CACNA1H: variants seen among roughly 807,000 people sequenced by gnomAD.
CACNA1H encodes the protein calcium voltage-gated channel subunit alpha1 H, also known as voltage-dependent T-type calcium channel subunit alpha-1H.
Under a neutral mutation model 192.5 loss-of-function variants are expected in CACNA1H, and 149 were observed. That is an observed-to-expected ratio of 0.77 (90% CI 0.68 to 0.89). The LOEUF (loss-of-function observed/expected upper bound fraction) is 0.89, where lower values mean the gene tolerates loss of function less well. Among genes scored for constraint, CACNA1H ranks in the 40% least tolerant of loss-of-function variants. The pLI, the probability that CACNA1H is intolerant of heterozygous loss-of-function variation, is 0.00. For synonymous variants in CACNA1H, 2,202 were observed against 1,475.2 expected (o/e 1.49, Z -11.29); for missense variants, 4,257 against 3,423.5 (o/e 1.24, Z -6.08).
intron 1 of CACNA1H, 120 bp from the exon 2 acceptor site, chr16:1,153,600 G>T: frequency 1.8e-6 from 1 of 545,850 alleles, no homozygotes; most frequent in Non-Finnish European, 2.6e-6. Flanking sequence ...GGGCGCGTTT[G>T]TCTCTAATAA....
intron 2 of CACNA1H, among the ~76,000 whole-genome samples, chr16:1,161,756 C>T (rs113492219): frequency 5.3e-5 from 8 of 152,242 alleles, no homozygotes; most frequent in South Asian, 2.1e-4. Flanking sequence ...GTGGCCAGTG[C>T]GGCGGCTGAT....
intron 2 of CACNA1H, among the ~76,000 whole-genome samples, chr16:1,171,284 G>A (rs888092775): frequency 6.6e-6 from 1 of 152,100 alleles, no homozygotes; most frequent in Admixed American, 6.5e-5. Flanking sequence ...GGGCGGGCTG[G>A]GCGTCTGGGG....
chr16:1,207,627 A>C (rs1968897038), intron 14 of CACNA1H, 143 bp from the exon 15 acceptor site: 3 of 915,030 alleles, frequency 3.3e-6, no homozygotes, highest in African/African-American at 3.3e-5. Context: ...TTCCTCACCT[A>C]CCTGCCCACC....
intron 2 of CACNA1H, among the ~76,000 whole-genome samples, chr16:1,177,415 C>T (rs1964999584): frequency 6.6e-6 from 1 of 152,222 alleles, no homozygotes; most frequent in African/African-American, 2.4e-5. Flanking sequence ...CTGACCGAGG[C>T]CCACCCTGCC....
intron 12 of CACNA1H, 85 bp from the exon 13 acceptor site, chr16:1,206,916 T>TC: frequency 5.7e-5 from 3 of 52,308 alleles, no homozygotes; most frequent in South Asian, 2.6e-4. Flanking sequence ...CCCTCCCTCC[T>TC]CCCACCCCCC....
At chr16:1,211,925 C>T (rs1473871978) in intron 24 of CACNA1H, 21 bp from the exon 25 acceptor site, 1 of 1,611,862 alleles carries the variant, frequency 6.2e-7, no homozygotes, top group Non-Finnish European at 8.5e-7. Context: ...CGGGCGGGGA[C>T]CCACCGCCTC....
chr16:1,218,936 C>T (rs934704659), intron 33 of CACNA1H, 34 bp from the exon 34 acceptor site: 8 of 1,546,854 alleles, frequency 5.2e-6, no homozygotes, highest in Middle Eastern at 2.1e-4. Flanking sequence ...AAGGCAGGGG[C>T]AGAGCTGCCA....
At position 1,202,463 on chromosome 16, in the gene CACNA1H, A is replaced by G; in HGVS notation, c.2002+11A>G. ...TGGTCGGGGAGCATGGTGAGGACCC[A>G]GCCCCACCCCACGGAGGAGGCGGTG... On this transcript the variant is annotated intron_variant, in intron 9 of 34. Transcript: ENST00000348261. 1 of 1,473,220 alleles carries G rather than the reference A, an allele frequency of 6.8e-7. No homozygotes were observed. The highest frequency in any genetic ancestry group is 9.0e-7 in the Non-Finnish European group (1 of 1,108,886). The allele number at this position is 1,473,220 out of a possible 1,614,324, so 91.3% of individuals were successfully genotyped here.
intron 8 of CACNA1H, 87 bp downstream of exon 8, chr16:1,200,895 C>A (rs1438607099): frequency 1.0e-6 from 1 of 974,736 alleles, no homozygotes; most frequent in Non-Finnish European, 1.6e-6. Context: ...GTCATAGGGG[C>A]TCCTGTCTGT....
At chr16:1,205,311 A>G (rs1468394871) in intron 11 of CACNA1H, 46 bp downstream of exon 11, 1 of 1,554,804 alleles carries the variant, frequency 6.4e-7, no homozygotes, top group Non-Finnish European at 8.7e-7. Context: ...GGGAAGCTCC[A>G]CTCTCTGGCA....
intron 5 of CACNA1H, among the ~76,000 whole-genome samples, chr16:1,197,405 C>A (rs995918549): frequency 6.6e-6 from 1 of 152,266 alleles, no homozygotes; most frequent in African/African-American, 2.4e-5. Context: ...CAGCCCCTTC[C>A]TTCCATGGAT....
intron 2 of CACNA1H, among the ~76,000 whole-genome samples, chr16:1,169,016 T>C (rs1850053250): frequency 2.0e-5 from 3 of 152,000 alleles, no homozygotes; most frequent in African/African-American, 7.3e-5. Context: ...TCTGCCAGGG[T>C]TACGAGTGCG....
chr16:1,213,628 G>T (rs1969716835), intron 26 of CACNA1H, among the ~76,000 whole-genome samples, 152 bp from the exon 27 acceptor site: 1 of 151,848 alleles, frequency 6.6e-6, no homozygotes, highest in South Asian at 2.1e-4. Context: ...TGTGAGCCCT[G>T]CCATGAGGCA....
At position 1,217,935 on chromosome 16, in the gene CACNA1H, C is replaced by T. The variant is rs375620368; in HGVS notation, c.5340C>T (p.Asn1780=). The T allele has an allele frequency of 2.1e-5, 33 of 1,604,970 alleles. No homozygotes were observed. In the African/African-American group the frequency reaches 3.6e-4, roughly 18 times the overall value. Residue 1780 remains asparagine (N), a synonymous_variant, in exon 32 of 35, where the codon AAC becomes AAT. Coordinates refer to ENST00000348261, the MANE Select transcript of CACNA1H (RefSeq NM_021098.3). The stretch of plus-strand genomic sequence containing the variant: ...TCCCCGCAGAGTGCAGTGAAGACAA[C>T]CCCTGCGAGGGCCTGAGCAGGCACG... ...LFGRLECSED[N]PCEGLSRHAT... is the part of the protein sequence containing the mutation.
In CACNA1H at chr16:1,209,368, A is replaced by G. The variant is rs1468934890; in HGVS notation, c.3700A>G (p.Ser1234Gly). ...CAGCGACTTCTTCCTGCGCATCGACAGCCACCGTGAGGATGCAGCCGAGCT... is the reference window on the plus strand; with the variant it reads ...CAGCGACTTCTTCCTGCGCATCGACGGCCACCGTGAGGATGCAGCCGAGCT... ...LPSDFFLRIDSHREDAAELDD... is the reference protein window; with the variant it reads ...LPSDFFLRIDGHREDAAELDD... The change falls in exon 17 of 35, where the codon AGC (serine) becomes GGC (glycine). Residue 1234 changes from serine (S) to glycine (G), a missense_variant. Physicochemically the swap from Ser to Gly is moderately conservative, Grantham distance 56. Transcript: ENST00000348261. 6.3e-7 allele frequency: 1 copy of G among 1,597,920 alleles called. No homozygotes were observed. The highest frequency in any genetic ancestry group is 1.1e-5 in the South Asian group (1 of 91,064).
At chr16:1,218,122 TTGCAG>T in intron 32 of CACNA1H, 82 bp downstream of exon 32, 1 of 1,541,234 alleles carries the variant, frequency 6.5e-7, no homozygotes, top group Non-Finnish European at 8.8e-7. Context: ...GGATCCGTCC[TTGCAG>T]GGCAGGGGGA....
rs907704359 is a variant in CACNA1H, at chr16:1,166,775, C to T, written c.299+12739C>T. On this transcript the variant is annotated intron_variant, in intron 2 of 34. Coordinates refer to ENST00000348261, the MANE Select transcript of CACNA1H (RefSeq NM_021098.3). The stretch of plus-strand genomic sequence containing the variant: ...TCCCCGCAGAGCCCTGACCCTTCCA[C>T]GGTTAGATGCGCCCTCATGTAGACG... Among the ~76,000 whole-genome samples the T allele has an allele frequency of 4.6e-5, 7 of 152,298 alleles. No individual in the cohort carries two copies. In the East Asian group the frequency reaches 7.7e-4, roughly 17 times the overall value.
chr16:1,175,522 C>T (rs991445426), intron 2 of CACNA1H, among the ~76,000 whole-genome samples: 1 of 152,154 alleles, frequency 6.6e-6, no homozygotes. Flanking sequence ...GCCTCCAGCT[C>T]CTAAGCACCA....
intron 28 of CACNA1H, 37 bp downstream of exon 28, chr16:1,215,118 C>A: frequency 6.3e-7 from 1 of 1,592,774 alleles, no homozygotes; most frequent in Non-Finnish European, 8.6e-7. Flanking sequence ...TCTGGGGGCC[C>A]CTCAGGGCTC....
Sources: gnomAD v4.1 joint callset for allele counts (sites outside exome capture counted in the v4.1 genomes callset) on GRCh38, gnomAD v4.1.1 for gene constraint, MANE v1.5 for transcripts, NCBI Gene and HGNC (gene_info 2026-07-23, HGNC 2026-07-21) for gene names.